The following DLGAP1 variants were observed in gnomAD, a reference collection of about 807,000 sequenced individuals.
DLGAP1 encodes disks large-associated protein 1.
Under a neutral mutation model 90.8 loss-of-function variants are expected in DLGAP1, and 11 were observed. The ratio of observed to expected loss-of-function variants is 0.12; its 90% CI spans 0.08 to 0.20. The LOEUF is 0.20. DLGAP1 is among the 10% of genes least tolerant of loss of function. DLGAP1 has a pLI of 1.00. For missense variants in DLGAP1, 1,050 were observed against 1,333.8 expected, an observed-to-expected ratio of 0.79 and a Z score of 3.31; for synonymous variants, 558 against 540.7, an observed-to-expected ratio of 1.03 and a Z score of -0.44.
At chr18:3,926,489 G>C (rs1160544241) in intron 3 of DLGAP1, among the ~76,000 whole-genome samples, 5 of 100,976 alleles carry the variant, frequency 5.0e-5, no homozygotes, top group Non-Finnish European at 8.6e-5. Context: ...GTATTTATAT[G>C]TATATAAATA....
At chr18:4,072,623 C>T (rs2075466321) in intron 2 of DLGAP1, among the ~76,000 whole-genome samples, 1 of 152,136 alleles carries the variant, frequency 6.6e-6, no homozygotes, top group Admixed American at 6.5e-5. Flanking sequence ...CTGCATGCCA[C>T]TGCACGCAGC....
At chr18:3,959,991 C>T (rs921523062) in intron 3 of DLGAP1, among the ~76,000 whole-genome samples, 1 of 152,184 alleles carries the variant, frequency 6.6e-6, no homozygotes, top group Non-Finnish European at 1.5e-5. Context: ...GTAGATAATA[C>T]ATTGGAAAGT....
At chr18:3,926,129 G>A (rs1249853058) in intron 3 of DLGAP1, among the ~76,000 whole-genome samples, 1 of 152,206 alleles carries the variant, frequency 6.6e-6, no homozygotes, top group Non-Finnish European at 1.5e-5. Flanking sequence ...GAACAGTGTG[G>A]TGTCAGATTG....
At chr18:3,785,177 A>C (rs141922203) in intron 5 of DLGAP1, among the ~76,000 whole-genome samples, 1 of 152,278 alleles carries the variant, frequency 6.6e-6, no homozygotes. Flanking sequence ...GTAACAAATT[A>C]CCACAAGCTT....
chr18:3,669,336 C>A (rs2146713281), intron 7 of DLGAP1, among the ~76,000 whole-genome samples: 1 of 152,154 alleles, frequency 6.6e-6, no homozygotes, highest in African/African-American at 2.4e-5. Flanking sequence ...GGCTCTACCC[C>A]CACGGACCTA....
chr18:3,542,100 T>C (rs1373233438), intron 9 of DLGAP1, among the ~76,000 whole-genome samples: 1 of 152,194 alleles, frequency 6.6e-6, no homozygotes, highest in Non-Finnish European at 1.5e-5. Context: ...TCACATTAAG[T>C]ATGTCCTGGA....
At chr18:3,882,173 A>C (rs2071189301) in intron 3 of DLGAP1, among the ~76,000 whole-genome samples, 1 of 152,046 alleles carries the variant, frequency 6.6e-6, no homozygotes, top group Non-Finnish European at 1.5e-5. Flanking sequence ...ACAGAGAACA[A>C]GTTAAGCTTG....
intron 1 of DLGAP1, among the ~76,000 whole-genome samples, chr18:4,246,590 G>C (rs1343084954): frequency 6.6e-6 from 1 of 152,124 alleles, no homozygotes; most frequent in Non-Finnish European, 1.5e-5. Context: ...CAAACCCCAG[G>C]GTGAAAGGTC....
chr18:3,733,887 C>T (rs2062539044), intron 6 of DLGAP1, among the ~76,000 whole-genome samples: 1 of 152,146 alleles, frequency 6.6e-6, no homozygotes, highest in African/African-American at 2.4e-5. Context: ...GTTAAAGGGT[C>T]CAATGATAAC....
In DLGAP1 at chr18:4,079,521, C is replaced by G. The variant is rs9945473; in HGVS notation, c.-159+71659G>C. Among the ~76,000 whole-genome samples the G allele has an allele frequency of 3.5e-3, 535 of 151,872 alleles. 5 individuals are homozygous for G. Among genetic ancestry groups the G allele is most frequent in the African/African-American group, 0.012 (508 of 41,388 alleles). On this transcript the variant is annotated intron_variant, in intron 2 of 12. Transcript: ENST00000315677. ...GGCATAGCGAGTGGCATAATGGGCA[C>G]TGGAGACTCAGAAGTGGGGAGGGTG... is the stretch of plus-strand genomic sequence containing the variant.
intron 1 of DLGAP1, among the ~76,000 whole-genome samples, chr18:4,339,084 T>C (rs576580875): frequency 2.3e-4 from 35 of 152,334 alleles, no homozygotes; most frequent in South Asian, 1.0e-3. Context: ...TAAAGGGTCC[T>C]GACTTTAGAC....
chr18:4,372,126 TG>T (rs11306427), intron 1 of DLGAP1, among the ~76,000 whole-genome samples: 89,309 of 152,018 alleles, frequency 0.59, 26,376 homozygotes, highest in East Asian at 0.73. Flanking sequence ...TGGAGATAGA[TG>T]GGAGTTAAGG....
At position 3,794,650 on chromosome 18, in the gene DLGAP1, T is replaced by C. The variant is rs745685453; in HGVS notation, c.1172+19409A>G. On this transcript the variant is annotated intron_variant, in intron 5 of 12. Transcript: ENST00000315677. ...TAAAACAATGGGATTGAGTCATTCA[T>C]GTGGGACCATACGTAGCCACAAAGG... 4.5e-4 allele frequency among the ~76,000 whole-genome samples: 68 copies of C among 152,348 alleles called. 1 individual carries two copies. The Middle Eastern group carries it at 0.017, about 38-fold the overall frequency.
intron 1 of DLGAP1, among the ~76,000 whole-genome samples, chr18:4,428,379 G>A (rs1462495586): frequency 6.6e-6 from 1 of 152,034 alleles, no homozygotes; most frequent in Non-Finnish European, 1.5e-5. Flanking sequence ...CCAGAAGTTC[G>A]AGACCAGCTA....
At chr18:4,078,318 C>A (rs2143569802) in intron 2 of DLGAP1, among the ~76,000 whole-genome samples, 1 of 152,220 alleles carries the variant, frequency 6.6e-6, no homozygotes, top group Non-Finnish European at 1.5e-5. Flanking sequence ...ACTCAGAAAA[C>A]CCTTGACACA....
intron 3 of DLGAP1, among the ~76,000 whole-genome samples, chr18:3,897,402 A>AT (rs1034881006): frequency 9.9e-5 from 15 of 152,196 alleles, no homozygotes; most frequent in Admixed American, 1.3e-4. Flanking sequence ...ACATTCATGT[A>AT]TTTTTTTTCC....
intron 1 of DLGAP1, among the ~76,000 whole-genome samples, chr18:4,247,631 G>A (rs919505568): frequency 3.9e-5 from 6 of 152,074 alleles, no homozygotes; most frequent in African/African-American, 1.4e-4. Flanking sequence ...CAAAAAATTA[G>A]CCAGGCGTGG....
chr18:4,404,867 C>T (rs1473254497), intron 1 of DLGAP1, among the ~76,000 whole-genome samples: 1 of 152,106 alleles, frequency 6.6e-6, no homozygotes, highest in Admixed American at 6.6e-5. Flanking sequence ...GATTTTAAAA[C>T]AAAAATAATA....
chr18:3,562,232 A>T (rs1052487368), intron 9 of DLGAP1, among the ~76,000 whole-genome samples: 24 of 151,896 alleles, frequency 1.6e-4, no homozygotes, highest in Admixed American at 3.3e-4. Context: ...CCGTCTCAAA[A>T]AATAATAATA....
Sources: gnomAD v4.1 joint callset for allele counts (sites outside exome capture counted in the v4.1 genomes callset) on GRCh38, gnomAD v4.1.1 for gene constraint, MANE v1.5 for transcripts, NCBI Gene and HGNC (gene_info 2026-07-23, HGNC 2026-07-21) for gene names.